Variants in OSBP2 observed in about 807,000 individuals in gnomAD.
The protein encoded by OSBP2 is oxysterol binding protein 2.
In OSBP2, 66 loss-of-function variants were observed where a neutral mutation model predicts 96.0. The ratio of observed to expected loss-of-function variants is 0.69; its 90% CI spans 0.56 to 0.84. The LOEUF (loss-of-function observed/expected upper bound fraction) is 0.84, where lower values mean the gene tolerates loss of function less well. OSBP2 is among the 40% of genes least tolerant of loss of function. The pLI is 0.00. For synonymous variants in OSBP2, 525 were observed against 520.9 expected, an observed-to-expected ratio of 1.01 and a Z score of -0.11; for missense variants, 1,038 against 1,222.7, an observed-to-expected ratio of 0.85 and a Z score of 2.25.
intron 2 of OSBP2, among the ~76,000 whole-genome samples, chr22:30,782,642 G>T (rs767925783): frequency 2.0e-4 from 30 of 152,178 alleles, no homozygotes; most frequent in Non-Finnish European, 4.1e-4. Flanking sequence ...TTGTGTGGAC[G>T]CACCACAGTG....
chr22:30,873,837 A>G (rs901570504), intron 3 of OSBP2, among the ~76,000 whole-genome samples: 1 of 152,234 alleles, frequency 6.6e-6, no homozygotes, highest in Non-Finnish European at 1.5e-5. Flanking sequence ...TGTCCTTCAC[A>G]GCGCGCTGGG....
At chr22:30,712,950 T>C (rs1036894819) in intron 1 of OSBP2, among the ~76,000 whole-genome samples, 4 of 152,070 alleles carry the variant, frequency 2.6e-5, no homozygotes, top group Non-Finnish European at 5.9e-5. Flanking sequence ...CTCTGTCACC[T>C]AGGCTGGAGT....
chr22:30,861,089 G>A (rs1444485435), intron 2 of OSBP2, among the ~76,000 whole-genome samples: 1 of 152,170 alleles, frequency 6.6e-6, no homozygotes. Flanking sequence ...GGGAAGGAGG[G>A]GAGTTTCTTT....
chr22:30,731,386 T>C (rs931278162), intron 1 of OSBP2, among the ~76,000 whole-genome samples: 3 of 151,970 alleles, frequency 2.0e-5, no homozygotes, highest in African/African-American at 7.2e-5. Flanking sequence ...TTCCAGAACT[T>C]ACACAAGAAG....
intron 2 of OSBP2, among the ~76,000 whole-genome samples, chr22:30,812,368 G>A (rs1368505098): frequency 6.6e-6 from 1 of 152,138 alleles, no homozygotes; most frequent in Non-Finnish European, 1.5e-5. Flanking sequence ...GTTTCACCAT[G>A]TTGGCCGGGC....
intron 2 of OSBP2, among the ~76,000 whole-genome samples, chr22:30,853,347 A>T (rs892426272): frequency 8.5e-5 from 13 of 152,170 alleles, no homozygotes; most frequent in African/African-American, 2.2e-4. Context: ...TGACTCTTTC[A>T]TCATAATGAA....
intron 2 of OSBP2, chr22:30,822,829 G>A: frequency 1.2e-6 from 1 of 856,942 alleles, no homozygotes. Context: ...CCCTCGCGGC[G>A]TGGGGAGCGC....
chr22:30,762,955 T>G (rs890380446), intron 2 of OSBP2, among the ~76,000 whole-genome samples: 1 of 152,134 alleles, frequency 6.6e-6, no homozygotes, highest in African/African-American at 2.4e-5. Context: ...AATCAAAGAT[T>G]TCTAAGTCAG....
intron 2 of OSBP2, among the ~76,000 whole-genome samples, chr22:30,804,781 G>A (rs1426250070): frequency 2.6e-5 from 4 of 152,110 alleles, no homozygotes; most frequent in Non-Finnish European, 5.9e-5. Context: ...ATGAATGAAC[G>A]TCTTTAGAGA....
chr22:30,881,077 G>A lies in OSBP2; in HGVS notation c.1108-6349G>A, dbSNP rs559302969. Among the ~76,000 whole-genome samples the A allele has an allele frequency of 6.6e-6, 1 of 152,264 alleles. No individual in the cohort carries two copies. The highest frequency in any genetic ancestry group is 6.5e-5 in the Admixed American group (1 of 15,310). ...TTCTCACTCTGCTTGGGGGCAACTC[G>A]ACAGGCTCCCTGCCCTCCCCATGGA... On this transcript the variant is annotated intron_variant, in intron 3 of 13. Transcript: ENST00000332585. The surrounding 1 kb of genome is among the most constrained non-coding windows in gnomAD (Gnocchi z 4.5).
At chr22:30,810,565 A>T (rs136250) in intron 2 of OSBP2, among the ~76,000 whole-genome samples, 75,003 of 151,926 alleles carry the variant, frequency 0.49, 19,482 homozygotes, top group African/African-American at 0.66. Flanking sequence ...CATGAGCTTC[A>T]GCCGGAAGCC....
At chr22:30,810,096 G>A (rs2090986157) in intron 2 of OSBP2, among the ~76,000 whole-genome samples, 1 of 152,128 alleles carries the variant, frequency 6.6e-6, no homozygotes, top group Non-Finnish European at 1.5e-5. Flanking sequence ...ATGGGGAAAT[G>A]TGAATGGGGG....
intron 2 of OSBP2, among the ~76,000 whole-genome samples, chr22:30,751,987 A>C: frequency 6.6e-6 from 1 of 151,418 alleles, no homozygotes; most frequent in East Asian, 2.0e-4. Flanking sequence ...CACACTTCCC[A>C]AAAGAGTACC....
At chr22:30,889,678 G>A (rs1405469210) in intron 7 of OSBP2, 42 bp downstream of exon 7, 30 of 1,606,346 alleles carry the variant, frequency 1.9e-5, no homozygotes, top group Non-Finnish European at 2.4e-5. Flanking sequence ...GTCCTCTGGG[G>A]CTGCTTTCCT....
intron 2 of OSBP2, among the ~76,000 whole-genome samples, chr22:30,838,440 T>C (rs1352711076): frequency 6.6e-6 from 1 of 152,220 alleles, no homozygotes; most frequent in Non-Finnish European, 1.5e-5. Flanking sequence ...ACAAATACTT[T>C]AATGTACTTT....
At chr22:30,875,526 C>T (rs2039560617) in intron 3 of OSBP2, among the ~76,000 whole-genome samples, 1 of 152,196 alleles carries the variant, frequency 6.6e-6, no homozygotes, top group Non-Finnish European at 1.5e-5. Flanking sequence ...GTATGCACCA[C>T]CACACTCGGC....
intron 3 of OSBP2, among the ~76,000 whole-genome samples, chr22:30,876,189 A>G (rs957122889): frequency 6.6e-5 from 10 of 152,076 alleles, no homozygotes; most frequent in African/African-American, 2.4e-4. Context: ...AAATATTACT[A>G]TTTTCCCTTC....
chr22:30,888,910 T>C (rs556942581), intron 5 of OSBP2, among the ~76,000 whole-genome samples: 1 of 152,256 alleles, frequency 6.6e-6, no homozygotes, highest in South Asian at 2.1e-4. Context: ...TTGTAGGCAA[T>C]TGTGACACAA....
chr22:30,844,326 C>A (rs565151305), intron 2 of OSBP2, among the ~76,000 whole-genome samples: 2 of 152,194 alleles, frequency 1.3e-5, no homozygotes, highest in Admixed American at 1.3e-4. Context: ...GCTATGAAAG[C>A]CCTAGATGAC....
Sources: allele counts gnomAD v4.1 joint callset (sites outside exome capture counted in the v4.1 genomes callset), GRCh38; gene constraint gnomAD v4.1.1; non-coding constraint Gnocchi (gnomAD v3.1); transcripts MANE v1.5; gene names NCBI Gene and HGNC (gene_info 2026-07-23, HGNC 2026-07-21).